APP: variants seen among roughly 807,000 people sequenced by gnomAD.
The protein encoded by APP is amyloid beta precursor protein, also known as amyloid-beta precursor protein.
A neutral mutation model predicts 101.4 loss-of-function variants in APP; 31 were observed. The ratio of observed to expected loss-of-function variants is 0.31; its 90% CI spans 0.23 to 0.41. The LOEUF is 0.41. APP is among the 10% of genes least tolerant of loss of function. The pLI is 1.00. For synonymous variants in APP, 366 were observed against 364.4 expected (o/e 1.00, Z -0.05); for missense variants, 839 against 1,003.7 (o/e 0.84, Z 2.22).
rs113007509 is a variant in APP, at chr21:25,886,515, T to C, written c.2212-4744A>G. Among the ~76,000 whole-genome samples the C allele has an allele frequency of 5.2e-3, 796 of 152,198 alleles. 9 individuals carry two copies. Among genetic ancestry groups the C allele is most frequent in the African/African-American group, 0.018 (745 of 41,518 alleles). ...TTCAAGCGATTCTCCTGCCTCAGCCTCCTGAGTAGCTGCGACTACAGGCGC... is the reference window on the plus strand; with the variant it reads ...TTCAAGCGATTCTCCTGCCTCAGCCCCCTGAGTAGCTGCGACTACAGGCGC... On this transcript the variant is annotated intron_variant, in intron 17 of 17. Coordinates refer to ENST00000346798, the MANE Select transcript of APP (RefSeq NM_000484.4).
At chr21:26,126,372 G>A (rs944716922) in intron 1 of APP, among the ~76,000 whole-genome samples, 1 of 152,192 alleles carries the variant, frequency 6.6e-6, no homozygotes, top group Admixed American at 6.5e-5. Context: ...AACCAACTGT[G>A]CCCTAATGAA....
chr21:26,160,927 CT>C lies in APP; in HGVS notation c.57+9636del, dbSNP rs571261951. On this transcript the variant is annotated intron_variant, in intron 1 of 17. Transcript: ENST00000346798. Reference sequence around the variant, plus strand: ...GATGTATTGACAGTATTTATGAAACCTTTTCACAATAAAATGTTCCAAAAAG... The same window carrying C: ...GATGTATTGACAGTATTTATGAAACCTTTCACAATAAAATGTTCCAAAAAG... 1.8e-4 allele frequency among the ~76,000 whole-genome samples: 28 copies of C among 152,154 alleles called. 1 individual carries two copies. In the South Asian group the frequency reaches 5.4e-3, roughly 29 times the overall value.
chr21:25,957,812 T>C (rs413577), intron 11 of APP, among the ~76,000 whole-genome samples: 103,573 of 151,732 alleles, frequency 0.68, 35,854 homozygotes, highest in South Asian at 0.75. Context: ...CAAGAACCTG[T>C]CTCTACAAGA....
chr21:25,897,645 C>T lies in APP; in HGVS notation c.1992G>A (p.Glu664=). The T allele has an allele frequency of 6.2e-7, 1 of 1,613,914 alleles. No individual in the cohort carries two copies. Among genetic ancestry groups the T allele is most frequent in the Non-Finnish European group, 8.5e-7 (1 of 1,179,864 alleles). The change falls in exon 16 of 18, where the codon GAG becomes GAA. Residue 664 remains glutamate (E), a synonymous_variant. Transcript: ENST00000346798. The stretch of plus-strand genomic sequence containing the variant: ...CATCCATCTTCACTTCAGAGATCTC[C>T]TCCGTCTTGATATTTGTCAACCCAG... ...PGSGLTNIKT[E]EISEVKMDAE... is the part of the protein sequence containing the mutation.
chr21:25,898,084 G>C (rs1024533118), intron 15 of APP: 1 of 186,796 alleles, frequency 5.4e-6, no homozygotes, highest in Non-Finnish European at 1.1e-5. Context: ...ATAATAAAAG[G>C]CTTTAAAAAT....
intron 1 of APP, among the ~76,000 whole-genome samples, chr21:26,138,004 T>C (rs1348942090): frequency 6.6e-6 from 1 of 152,172 alleles, no homozygotes; most frequent in African/African-American, 2.4e-5. Flanking sequence ...GTGGTTCTAA[T>C]GGGTACTCAG....
chr21:26,142,747 CA>C (rs1273659256), intron 1 of APP, among the ~76,000 whole-genome samples: 1 of 151,270 alleles, frequency 6.6e-6, no homozygotes, highest in East Asian at 1.9e-4. Context: ...CTAGCCTTGG[CA>C]GCAGACTGAG....
At chr21:26,031,440 T>TA (rs1387559975) in intron 5 of APP, among the ~76,000 whole-genome samples, 1 of 152,108 alleles carries the variant, frequency 6.6e-6, no homozygotes, top group East Asian at 1.9e-4. Context: ...ATGCTGCTGA[T>TA]AAAGACATAC....
intron 3 of APP, among the ~76,000 whole-genome samples, chr21:26,062,700 TAGC>T: frequency 8.9e-6 from 1 of 111,872 alleles, no homozygotes; most frequent in Middle Eastern, 5.2e-3. Context: ...AAATATTTGT[TAGC>T]AGTCTTGCAG....
intron 3 of APP, among the ~76,000 whole-genome samples, chr21:26,073,052 T>C (rs2061436063): frequency 6.6e-6 from 1 of 152,142 alleles, no homozygotes; most frequent in Non-Finnish European, 1.5e-5. Context: ...ATAGTATGTA[T>C]GAGGCCTGGC....
chr21:26,031,883 T>G (rs2044844185), intron 5 of APP, among the ~76,000 whole-genome samples: 1 of 152,162 alleles, frequency 6.6e-6, no homozygotes, highest in South Asian at 2.1e-4. Flanking sequence ...TGGAGCCCCA[T>G]TCCTAGGAGA....
intron 3 of APP, among the ~76,000 whole-genome samples, chr21:26,083,132 T>C (rs2061630545): frequency 6.6e-6 from 1 of 152,210 alleles, no homozygotes. Context: ...TAAACAATTA[T>C]GTGGCGCATA....
intron 17 of APP, among the ~76,000 whole-genome samples, chr21:25,886,356 A>G (rs1402841734): frequency 6.6e-6 from 1 of 151,924 alleles, no homozygotes; most frequent in Admixed American, 6.6e-5. Flanking sequence ...ACATCAAGCA[A>G]TTCTTCAGGC....
At chr21:26,149,031 G>C (rs1156587517) in intron 1 of APP, among the ~76,000 whole-genome samples, 2 of 152,200 alleles carry the variant, frequency 1.3e-5, no homozygotes, top group African/African-American at 4.8e-5. Flanking sequence ...GAGGGGGAGA[G>C]AAGACACCAA....
chr21:26,170,480 C>A, intron 1 of APP, 84 bp downstream of exon 1: 2 of 1,420,600 alleles, frequency 1.4e-6, no homozygotes, highest in South Asian at 1.3e-5. Context: ...GGCTTCTCTG[C>A]ATTAAAGACT....
Position 25,955,735 on chromosome 21 carries a change from C to G in APP, c.1479G>C (p.Met493Ile). The stretch of plus-strand genomic sequence containing the variant: ...GTTCTGCGCGGACATACTTCTTTAG[C>G]ATATTGAACACGTGACGAGGCTGTG... ...VPPRPRHVFN[M>I]LKKYVRAEQK... The change falls in exon 12 of 18, where the codon ATG becomes ATC. Residue 493 changes from methionine to isoleucine, a missense_variant. Physicochemically the swap from Met to Ile is conservative, Grantham distance 10 (BLOSUM62 1). Transcript: ENST00000346798. 1 of 1,614,160 alleles carries G rather than the reference C, an allele frequency of 6.2e-7. No homozygotes were observed. The highest frequency in any genetic ancestry group is 8.5e-7 in the Non-Finnish European group (1 of 1,180,022).
At chr21:25,970,755 G>T (rs749994721) in intron 11 of APP, among the ~76,000 whole-genome samples, 2 of 152,102 alleles carry the variant, frequency 1.3e-5, no homozygotes, top group African/African-American at 2.4e-5. Flanking sequence ...TGAACCAGCC[G>T]CTCCATCTCC....
intron 1 of APP, chr21:26,140,289 C>T (rs1467660682): frequency 2.0e-6 from 3 of 1,534,686 alleles, no homozygotes; most frequent in African/African-American, 1.4e-5. Flanking sequence ...CTGCAGTGAC[C>T]ACAACTTGAC....
chr21:26,170,539 C>G lies in APP; in HGVS notation c.57+25G>C, dbSNP rs373183295. 1.8e-5 allele frequency: 27 copies of G among 1,536,800 alleles called. No homozygotes were observed. In the Admixed American group the frequency reaches 3.5e-4, roughly 20 times the overall value. Reference sequence around the variant, plus strand: ...CGCGTCCCCACCGTGCAGCCTCCCCCCGCCTTCCGAGGCGCGGCACCCACC... The same window carrying G: ...CGCGTCCCCACCGTGCAGCCTCCCCGCGCCTTCCGAGGCGCGGCACCCACC... On this transcript the variant is annotated intron_variant, in intron 1 of 17. Transcript: ENST00000346798.
Sources: gnomAD v4.1 joint callset for allele counts (sites outside exome capture counted in the v4.1 genomes callset) on GRCh38, gnomAD v4.1.1 for gene constraint, MANE v1.5 for transcripts, NCBI Gene and HGNC (gene_info 2026-07-23, HGNC 2026-07-21) for gene names.